The following USP32 variants were observed in gnomAD, a reference collection of about 807,000 sequenced individuals.
USP32 encodes the protein ubiquitin carboxyl-terminal hydrolase 32.
Under a neutral mutation model 204.8 loss-of-function variants are expected in USP32, and 59 were observed. The observed-to-expected ratio is 0.29, with a 90% CI of 0.23 to 0.36. The LOEUF (loss-of-function observed/expected upper bound fraction) is 0.36. Ranked by LOEUF, USP32 falls within the 10% of genes least tolerant of loss-of-function variation. USP32 has a pLI of 1.00. For missense variants in USP32, 1,160 were observed against 1,946.4 expected, an observed-to-expected ratio of 0.60 and a Z score of 7.60; for synonymous variants, 517 against 678.4, an observed-to-expected ratio of 0.76 and a Z score of 3.70.
upstream of USP32, chr17:60,392,225 T>G: frequency 1.5e-5 from 5 of 341,586 alleles, no homozygotes; most frequent in East Asian, 7.8e-5. Flanking sequence ...CACGCCCTCT[T>G]GCCACTTCCG....
intron 2 of USP32, among the ~76,000 whole-genome samples, chr17:60,312,056 C>A (rs1281628889): frequency 6.6e-6 from 1 of 152,146 alleles, no homozygotes; most frequent in Non-Finnish European, 1.5e-5. Context: ...TATTAATATA[C>A]CAACTATGTG....
intron 11 of USP32, 109 bp from the exon 12 acceptor site, chr17:60,236,349 G>A (rs1426466006): frequency 1.2e-6 from 1 of 821,060 alleles, no homozygotes; most frequent in African/African-American, 1.7e-5. Context: ...ACATTTAGAT[G>A]TAATTAGGAG....
intron 1 of USP32, among the ~76,000 whole-genome samples, chr17:60,348,499 G>C (rs1412983894): frequency 1.3e-5 from 2 of 152,218 alleles, no homozygotes; most frequent in Non-Finnish European, 2.9e-5. Context: ...ACTAGGCCAG[G>C]TGCAGTGGCT....
At chr17:60,390,875 A>G (rs1191402656) in intron 1 of USP32, among the ~76,000 whole-genome samples, 1 of 149,516 alleles carries the variant, frequency 6.7e-6, no homozygotes, top group Non-Finnish European at 1.5e-5. Context: ...AATGTCTAAA[A>G]GAAATACAAG....
intron 1 of USP32, among the ~76,000 whole-genome samples, chr17:60,405,984 C>G (rs922809065): frequency 6.6e-6 from 1 of 151,792 alleles, no homozygotes; most frequent in Non-Finnish European, 1.5e-5. Flanking sequence ...TAGACGCCAC[C>G]TCTCCAAAAT....
chr17:60,341,321 T>C (rs956849776), intron 2 of USP32, among the ~76,000 whole-genome samples: 1 of 152,098 alleles, frequency 6.6e-6, no homozygotes, highest in African/African-American at 2.4e-5. Flanking sequence ...CAGTTGTTTC[T>C]TTCCATGTTT....
chr17:60,300,102 A>G (rs1444334465), intron 3 of USP32, among the ~76,000 whole-genome samples: 2 of 152,200 alleles, frequency 1.3e-5, no homozygotes, highest in African/African-American at 4.8e-5. Context: ...CAGATTAGAA[A>G]AGGAAGAAGG....
rs2089513909 is a variant in USP32, at chr17:60,375,096, T to C, written c.58+16786A>G. On this transcript the variant is annotated intron_variant, in intron 1 of 33. Transcript: ENST00000300896. ...TCTTAGTAATCTTGTATATTGTTTT[T>C]TGTAATATTTAAATAAGTTTTACAA... 2.0e-5 allele frequency among the ~76,000 whole-genome samples: 3 copies of C among 152,238 alleles called. No homozygotes were observed. In the South Asian group the frequency reaches 6.2e-4, roughly 31 times the overall value.
At chr17:60,403,252 G>A (rs906388803) in intron 1 of USP32, among the ~76,000 whole-genome samples, 4 of 152,126 alleles carry the variant, frequency 2.6e-5, no homozygotes, top group African/African-American at 9.7e-5. Flanking sequence ...TCTTGACCTC[G>A]TGATCTGCCG....
chr17:60,286,292 T>C (rs1388126705), intron 5 of USP32, among the ~76,000 whole-genome samples: 3 of 152,190 alleles, frequency 2.0e-5, no homozygotes, highest in Non-Finnish European at 4.4e-5. Context: ...TATGGCCTTA[T>C]TTGGAAATAG....
chr17:60,360,712 T>C (rs1474147170), intron 1 of USP32, among the ~76,000 whole-genome samples: 1 of 151,762 alleles, frequency 6.6e-6, no homozygotes, highest in Non-Finnish European at 1.5e-5. Flanking sequence ...CTATACAAAA[T>C]ACATGCAGAA....
Position 60,223,669 on chromosome 17 carries a change from G to A in USP32, c.1433-83C>T, listed in dbSNP as rs2085313367. 4 of 1,179,142 alleles carry A rather than the reference G, an allele frequency of 3.4e-6. No individual in the cohort carries two copies. In the East Asian group the frequency reaches 1.0e-4, roughly 29 times the overall value. 73.0% of individuals were successfully genotyped at this position (1,179,142 alleles called of 1,614,324 possible). On this transcript the variant is annotated intron_variant, in intron 13 of 33. Coordinates refer to ENST00000300896, the MANE Select transcript of USP32 (RefSeq NM_032582.4). ...TTGAGGATATGAACTCAATGCCCAT[G>A]TATTGTATTACTCTGTTGACATGTC...
At chr17:60,245,304 C>G (rs932901273) in intron 11 of USP32, 2 of 316,890 alleles carry the variant, frequency 6.3e-6, no homozygotes, top group Non-Finnish European at 1.2e-5. Flanking sequence ...ATTTTCTTCA[C>G]AGGCTGGCAT....
intron 1 of USP32, among the ~76,000 whole-genome samples, chr17:60,401,726 GAA>G (rs546936112): frequency 1.6e-5 from 2 of 124,940 alleles, no homozygotes; most frequent in Admixed American, 1.6e-4. Flanking sequence ...ATAAAAAAAA[GAA>G]AAAAAAAAAA....
chr17:60,398,654 A>G (rs1156535580), intron 1 of USP32, among the ~76,000 whole-genome samples: 1 of 152,152 alleles, frequency 6.6e-6, no homozygotes, highest in Non-Finnish European at 1.5e-5. Context: ...GAGGAATACA[A>G]AGATGATTTT....
At chr17:60,258,304 C>A in intron 9 of USP32, 1 of 181,348 alleles carries the variant, frequency 5.5e-6, no homozygotes, top group South Asian at 1.6e-4. Flanking sequence ...AAACTGTTGT[C>A]AGTTTGAGGA....
chr17:60,308,289 TG>T, intron 2 of USP32, among the ~76,000 whole-genome samples: 1 of 152,120 alleles, frequency 6.6e-6, no homozygotes, highest in East Asian at 1.9e-4. Flanking sequence ...ACAAACGCAC[TG>T]GGGCTTCAGG....
intron 1 of USP32, among the ~76,000 whole-genome samples, chr17:60,378,852 A>G (rs906480573): frequency 3.1e-4 from 47 of 152,090 alleles, no homozygotes; most frequent in African/African-American, 1.0e-3. Flanking sequence ...TGGTTATACA[A>G]TATTGTGAAT....
At position 60,288,562 on chromosome 17, in the gene USP32, T is replaced by C. The variant is rs1166847039; in HGVS notation, c.532A>G (p.Thr178Ala). The change falls in exon 5 of 34, where the codon ACT (threonine) becomes GCT (alanine). Residue 178 changes from threonine (T) to alanine (A), a missense_variant. Thr to Ala is a moderately conservative substitution (Grantham distance 58). Around this residue, in one of 8 missense-constraint regions of USP32, gnomAD observed 536 missense variants for 680.9 expected, o/e 0.79. Coordinates refer to ENST00000300896, the MANE Select transcript of USP32 (RefSeq NM_032582.4). ...GCCAGAGTTTGGTAGAAAGTAGGAG[T>C]ATCACTATCATCAGTGAGGGTAACA... ...VYVTLTDDSD[T>A]PTFYQTLAGV... is the part of the protein sequence containing the mutation. The C allele has an allele frequency of 1.2e-6, 2 of 1,611,542 alleles. No homozygotes were observed. Among genetic ancestry groups the C allele is most frequent in the Admixed American group, 3.4e-5 (2 of 59,240 alleles).
Sources: gnomAD v4.1 joint callset for allele counts (sites outside exome capture counted in the v4.1 genomes callset) on GRCh38, gnomAD v4.1.1 for gene constraint, gnomAD v4.1.1 regional missense constraint, MANE v1.5 for transcripts, NCBI Gene and HGNC (gene_info 2026-07-23, HGNC 2026-07-21) for gene names.